The following BLTP3A variants were observed in gnomAD, a reference collection of about 807,000 sequenced individuals.
BLTP3A encodes the protein ICBP90 binding protein 1.
chr6:34,830,848 AT>A, the BLTP3A span, among the ~76,000 whole-genome samples: 1 of 152,104 alleles, frequency 6.6e-6, no homozygotes, highest in African/African-American at 2.4e-5. Flanking sequence ...GTTGTTCCAT[AT>A]CTGGTATTGT....
the BLTP3A span, chr6:34,823,206 G>A: frequency 6.9e-7 from 1 of 1,446,306 alleles, no homozygotes; most frequent in East Asian, 2.3e-5. Flanking sequence ...CTGTCATTGT[G>A]CTGTGTGTGT....
the BLTP3A span, among the ~76,000 whole-genome samples, chr6:34,841,436 C>A: frequency 1.9e-3 from 285 of 152,296 alleles, 1 homozygote; most frequent in African/African-American, 6.5e-3. Flanking sequence ...TAAATTGCCA[C>A]ATGCAGCTAT....
At chr6:34,833,666 C>T in the BLTP3A span, among the ~76,000 whole-genome samples, 3 of 151,950 alleles carry the variant, frequency 2.0e-5, no homozygotes, top group Non-Finnish European at 2.9e-5. Context: ...CGGTGGCTCA[C>T]GCCTGTAATC....
the BLTP3A span, chr6:34,863,906 AGTT>A: frequency 8.2e-7 from 1 of 1,219,650 alleles, no homozygotes; most frequent in Non-Finnish European, 1.1e-6. Context: ...AACTTTATCC[AGTT>A]GTCTGAGCTG....
the BLTP3A span, chr6:34,867,279 C>G: frequency 6.2e-7 from 1 of 1,614,104 alleles, no homozygotes; most frequent in Admixed American, 1.7e-5. Flanking sequence ...TCAGATAATG[C>G]TGGTGTTCAA....
At chr6:34,842,582 A>C in the BLTP3A span, among the ~76,000 whole-genome samples, 1 of 152,006 alleles carries the variant, frequency 6.6e-6, no homozygotes, top group Non-Finnish European at 1.5e-5. Context: ...GGTGGCTCAC[A>C]CCTGTAATCC....
At chr6:34,870,636 GC>G in the BLTP3A span, among the ~76,000 whole-genome samples, 1 of 152,144 alleles carries the variant, frequency 6.6e-6, no homozygotes, top group Non-Finnish European at 1.5e-5. Flanking sequence ...AAGTATCTAA[GC>G]CCATGGACTT....
At chr6:34,800,493 T>A in the BLTP3A span, among the ~76,000 whole-genome samples, 1 of 151,806 alleles carries the variant, frequency 6.6e-6, no homozygotes, top group Non-Finnish European at 1.5e-5. Context: ...GTAATGGGGG[T>A]TGTAGGGAGG....
At chr6:34,855,930 G>T in the BLTP3A span, 1 of 983,866 alleles carries the variant, frequency 1.0e-6, no homozygotes, top group Non-Finnish European at 1.2e-6. Context: ...GAGATATCTA[G>T]TGCCTGAGAT....
At chr6:34,831,614 G>A in the BLTP3A span, among the ~76,000 whole-genome samples, 1 of 152,022 alleles carries the variant, frequency 6.6e-6, no homozygotes, top group Non-Finnish European at 1.5e-5. Context: ...TTTAACATTT[G>A]AATCTCTAGT....
chr6:34,834,158 G>A, the BLTP3A span: 1 of 1,525,566 alleles, frequency 6.6e-7, no homozygotes, highest in African/African-American at 1.4e-5. Flanking sequence ...CATCTAATAT[G>A]AAGACTGTGC....
the BLTP3A span, chr6:34,823,277 G>A: frequency 1.2e-6 from 2 of 1,614,042 alleles, no homozygotes; most frequent in East Asian, 2.2e-5. Flanking sequence ...AGGTAGAGGT[G>A]GAGATGAAGA....
chr6:34,837,956 GT>G, the BLTP3A span, among the ~76,000 whole-genome samples: 1 of 152,118 alleles, frequency 6.6e-6, no homozygotes, highest in Non-Finnish European at 1.5e-5. Flanking sequence ...ACAATTCAGA[GT>G]TTCATCCTGT....
At chr6:34,828,394 TG>T in the BLTP3A span, among the ~76,000 whole-genome samples, 1 of 141,870 alleles carries the variant, frequency 7.0e-6, no homozygotes, top group African/African-American at 2.7e-5. Context: ...GAGGTTGCAG[TG>T]AGCCGAGATC....
chr6:34,834,212 T>G, the BLTP3A span: 1 of 1,613,202 alleles, frequency 6.2e-7, no homozygotes, highest in Non-Finnish European at 8.5e-7. Flanking sequence ...CCTCATTTGT[T>G]GTAGTGAATA....
chr6:34,835,246 T>C, the BLTP3A span: 3 of 1,580,884 alleles, frequency 1.9e-6, no homozygotes, highest in South Asian at 2.3e-5. Context: ...CTTTGAAAGT[T>C]GGAATGATAC....
At chr6:34,817,910 A>G in the BLTP3A span, among the ~76,000 whole-genome samples, 28 of 150,648 alleles carry the variant, frequency 1.9e-4, no homozygotes, top group African/African-American at 3.9e-4. Flanking sequence ...CTGGAGTGCA[A>G]TGGCGCTATC....
the BLTP3A span, among the ~76,000 whole-genome samples, chr6:34,854,810 A>G: frequency 6.6e-6 from 1 of 152,122 alleles, no homozygotes; most frequent in African/African-American, 2.4e-5. Flanking sequence ...TTTCTCTTAT[A>G]TTTTTGAGCA....
the BLTP3A span, among the ~76,000 whole-genome samples, chr6:34,829,602 C>G: frequency 2.1e-3 from 314 of 152,044 alleles, 3 homozygotes; most frequent in African/African-American, 7.2e-3. Flanking sequence ...TGCCATAATC[C>G]ATTCTGTTGT....
Sources: gnomAD v4.1 joint callset for allele counts (sites outside exome capture counted in the v4.1 genomes callset) on GRCh38, gnomAD v4.1.1 for gene constraint, MANE v1.5 for transcripts, NCBI Gene and HGNC (gene_info 2026-07-23, HGNC 2026-07-21) for gene names.